The following CHD6 variants were observed in gnomAD, a reference collection of about 807,000 sequenced individuals.
The protein encoded by CHD6 is ATP-dependent chromatin remodeler CHD6.
In CHD6, 50 loss-of-function variants were observed where a neutral mutation model predicts 276.9. The ratio of observed to expected loss-of-function variants is 0.18; its 90% CI spans 0.14 to 0.23. The LOEUF is 0.23. Ranked by LOEUF, CHD6 falls within the 10% of genes least tolerant of loss-of-function variation. The probability of loss-of-function intolerance (pLI) is 1.00; values close to 1 mark genes in which losing one functional copy is unlikely to be tolerated. For missense variants in CHD6, 2,564 were observed against 3,365.8 expected (o/e 0.76, Z 5.89); for synonymous variants, 1,173 against 1,229.3 (o/e 0.95, Z 0.96).
intron 1 of CHD6, among the ~76,000 whole-genome samples, chr20:41,563,186 CA>C (rs2045320231): frequency 6.6e-6 from 1 of 152,140 alleles, no homozygotes; most frequent in Non-Finnish European, 1.5e-5. Context: ...TGGCAAAAGC[CA>C]GTAGTAGAAG....
At chr20:41,586,372 C>T (rs1278372155) in intron 1 of CHD6, among the ~76,000 whole-genome samples, 1 of 152,228 alleles carries the variant, frequency 6.6e-6, no homozygotes, top group African/African-American at 2.4e-5. Context: ...TAGAGGCTCA[C>T]CATTGTTCCT....
intron 1 of CHD6, among the ~76,000 whole-genome samples, chr20:41,602,008 A>C (rs2045778007): frequency 6.6e-6 from 1 of 152,180 alleles, no homozygotes; most frequent in African/African-American, 2.4e-5. Context: ...CTGGCCATGA[A>C]CACAACCCAA....
Position 41,403,419 on chromosome 20 carries a change from C to G in CHD6, c.*1174G>C. On this transcript the variant is annotated 3_prime_UTR_variant, in exon 37 of 37. Coordinates refer to ENST00000373233, the MANE Select transcript of CHD6 (RefSeq NM_032221.5). ...TTCTCAGTTCCTAAACATGGAGAAG[C>G]TGAGGAAGAAGAGAAAATAATGTTG... 9.4e-7 allele frequency: 1 copy of G among 1,061,938 alleles called. No individual in the cohort carries two copies. The allele number at this position is 1,061,938 out of a possible 1,614,324, so 65.8% of individuals were successfully genotyped here. A position where few individuals can be genotyped will look rare whatever the true frequency, so the allele number is the denominator to read the frequency against.
intron 3 of CHD6, among the ~76,000 whole-genome samples, chr20:41,520,022 A>C (rs2044349200): frequency 6.6e-6 from 1 of 152,240 alleles, no homozygotes; most frequent in Non-Finnish European, 1.5e-5. Flanking sequence ...ATATGAACAG[A>C]CATTTCTCGA....
chr20:41,461,456 T>C (rs925475606), intron 17 of CHD6, among the ~76,000 whole-genome samples: 9 of 152,152 alleles, frequency 5.9e-5, no homozygotes, highest in Non-Finnish European at 8.8e-5. Flanking sequence ...GGGCTGGTCT[T>C]TTCCATGCAA....
chr20:41,570,499 G>A (rs2045404859), intron 1 of CHD6, among the ~76,000 whole-genome samples: 1 of 152,192 alleles, frequency 6.6e-6, no homozygotes, highest in African/African-American at 2.4e-5. Flanking sequence ...GGGCCCACTG[G>A]CTAATTTCAC....
chr20:41,541,798 C>T (rs2044947764), intron 2 of CHD6, among the ~76,000 whole-genome samples: 2 of 152,190 alleles, frequency 1.3e-5, no homozygotes, highest in African/African-American at 2.4e-5. Flanking sequence ...AACCTTTCCA[C>T]CCCCAAATAC....
intron 3 of CHD6, among the ~76,000 whole-genome samples, chr20:41,523,053 CT>C (rs1019606172): frequency 6.6e-6 from 1 of 152,110 alleles, no homozygotes; most frequent in African/African-American, 2.4e-5. Context: ...TGATTCCAGC[CT>C]TGAGAGGAAT....
At chr20:41,567,329 C>T (rs1452322757) in intron 1 of CHD6, among the ~76,000 whole-genome samples, 1 of 152,134 alleles carries the variant, frequency 6.6e-6, no homozygotes, top group African/African-American at 2.4e-5. Context: ...AGCCTGATGA[C>T]CATCACTGGC....
Position 41,473,369 on chromosome 20 carries a change from T to C in CHD6, c.2617A>G (p.Thr873Ala). 1 of 1,614,044 alleles carries C rather than the reference T, an allele frequency of 6.2e-7. No homozygotes were observed. Among genetic ancestry groups the C allele is most frequent in the Non-Finnish European group, 8.5e-7 (1 of 1,179,988 alleles). The change falls in exon 17 of 37, where the codon ACC becomes GCC. Residue 873 changes from threonine to alanine, a missense_variant. Coordinates refer to ENST00000373233, the MANE Select transcript of CHD6 (RefSeq NM_032221.5). This position sits in a 1 kb window ranked among gnomAD's most constrained non-coding sequence, Gnocchi z 4.1. ...GLGINLTAAD[T>A]CIIFDSDWNP... ...CAGTCAGAATCAAATATGATGCAGG[T>C]ATCAGCAGCTGTGAGATTGATCCCC...
intron 1 of CHD6, among the ~76,000 whole-genome samples, chr20:41,583,056 G>A (rs1477467908): frequency 6.6e-6 from 1 of 152,100 alleles, no homozygotes; most frequent in Non-Finnish European, 1.5e-5. Context: ...GGGATAGAGG[G>A]ACTGACGCAG....
At chr20:41,486,326 A>T (rs2043413864) in intron 14 of CHD6, 1 of 152,202 alleles carries the variant, frequency 6.6e-6, no homozygotes, top group Non-Finnish European at 1.5e-5. Context: ...CTTGTCCTCA[A>T]GGAGATCTTT....
chr20:41,409,989 G>A lies in CHD6; in HGVS notation c.7251+2155C>T, dbSNP rs370629686. ...CACTAGGTAGTGGGCATTAAAAATT[G>A]AATCCCACAACCTTCCATGCAGCCC... is the stretch of plus-strand genomic sequence containing the variant. On this transcript the variant is annotated intron_variant, in intron 36 of 36. Coordinates refer to ENST00000373233, the MANE Select transcript of CHD6 (RefSeq NM_032221.5). Among the ~76,000 whole-genome samples the A allele has an allele frequency of 2.2e-3, 322 of 149,684 alleles. 2 individuals are homozygous for A. In the Middle Eastern group the frequency reaches 0.024, roughly 11 times the overall value.
chr20:41,455,696 A>C, intron 19 of CHD6, 104 bp downstream of exon 19: 1 of 742,174 alleles, frequency 1.3e-6, no homozygotes, highest in African/African-American at 1.8e-5. Flanking sequence ...GCCAATTTCT[A>C]GGATTTGCAT....
intron 1 of CHD6, among the ~76,000 whole-genome samples, chr20:41,559,801 A>G (rs74684056): frequency 0.011 from 1,703 of 152,040 alleles, 35 homozygotes; most frequent in African/African-American, 0.04. Flanking sequence ...CCAGTTCCTG[A>G]GACATTCCAC....
intron 1 of CHD6, among the ~76,000 whole-genome samples, chr20:41,591,279 A>G (rs1240906467): frequency 1.3e-5 from 2 of 151,430 alleles, no homozygotes; most frequent in Non-Finnish European, 2.9e-5. Flanking sequence ...GTTAATGGGT[A>G]CAGCACACCA....
At position 41,421,248 on chromosome 20, in the gene CHD6, C is replaced by A. The variant is rs1157287491; in HGVS notation, c.5387G>T (p.Gly1796Val). The A allele has an allele frequency of 6.2e-7, 1 of 1,614,138 alleles. No individual in the cohort carries two copies. Residue 1796 changes from glycine (G) to valine (V), a missense_variant, in exon 31 of 37, where the codon GGA (glycine) becomes GTA (valine). Gly to Val is a moderately radical substitution (Grantham distance 109). This residue lies in a region of CHD6 where 1,024 missense variants were observed against 1,047.9 expected (regional missense o/e 0.98). Coordinates refer to ENST00000373233, the MANE Select transcript of CHD6 (RefSeq NM_032221.5). ...CTGGCCAATGTTTTCAGGTCTCTGT[C>A]CTGCCTCACTGCAGCAGAGCTCCCC... Reference protein sequence around the residue: ...KEGELCCSEAGQRPENIGQLE... With the variant: ...KEGELCCSEAVQRPENIGQLE...
chr20:41,403,687 T>C lies in CHD6; in HGVS notation c.*906A>G. The C allele has an allele frequency of 1.9e-6, 2 of 1,058,984 alleles. No homozygotes were observed. Among genetic ancestry groups the C allele is most frequent in the Non-Finnish European group, 2.3e-6 (2 of 875,352 alleles). The allele number at this position is 1,058,984 out of a possible 1,614,324, so 65.6% of individuals were successfully genotyped here. A position where few individuals can be genotyped will look rare whatever the true frequency, so the allele number is the denominator to read the frequency against. ...ATTCTTGGTGAAGGAAAGCCTGAAG[T>C]GAAAATCCATTCGGTCCTGGTGCTC... On this transcript the variant is annotated 3_prime_UTR_variant, in exon 37 of 37. Coordinates refer to ENST00000373233, the MANE Select transcript of CHD6 (RefSeq NM_032221.5).
In CHD6 at chr20:41,403,211, A is replaced by G; in HGVS notation, c.*1382T>C. The G allele has an allele frequency of 1.0e-6, 1 of 1,001,778 alleles. No homozygotes were observed. The highest frequency in any genetic ancestry group is 4.8e-5 in the South Asian group (1 of 20,818). The allele number at this position is 1,001,778 out of a possible 1,614,324, so 62.1% of individuals were successfully genotyped here. A position where few individuals can be genotyped will look rare whatever the true frequency, so the allele number is the denominator to read the frequency against. The stretch of plus-strand genomic sequence containing the variant: ...GTAAATTGTGACAACAAAAAGTGAA[A>G]CTGGTACTAGTAACACTTGCAACAT... On this transcript the variant is annotated 3_prime_UTR_variant, in exon 37 of 37. Coordinates refer to ENST00000373233, the MANE Select transcript of CHD6 (RefSeq NM_032221.5).
Sources: allele counts gnomAD v4.1 joint callset (sites outside exome capture counted in the v4.1 genomes callset), GRCh38; gene constraint gnomAD v4.1.1; regional missense constraint gnomAD v4.1.1; non-coding constraint Gnocchi (gnomAD v3.1); transcripts MANE v1.5; gene names NCBI Gene and HGNC (gene_info 2026-07-23, HGNC 2026-07-21).